TRAF5: variants seen among roughly 807,000 people sequenced by gnomAD.
TRAF5 encodes the protein TNF receptor-associated factor 5.
TRAF5 carries 48 observed loss-of-function variants against 64.5 expected under a neutral mutation model. That is an observed-to-expected ratio of 0.74 (90% CI 0.59 to 0.95). The LOEUF is 0.95. TRAF5 is among the 40% of genes least tolerant of loss of function. The pLI is 0.00. For synonymous variants in TRAF5, 206 were observed against 240.5 expected, an observed-to-expected ratio of 0.86 and a Z score of 1.33; for missense variants, 545 against 662.8, an observed-to-expected ratio of 0.82 and a Z score of 1.95.
intron 1 of TRAF5, among the ~76,000 whole-genome samples, chr1:211,343,720 C>T (rs1214359502): frequency 6.6e-6 from 1 of 152,124 alleles, no homozygotes; most frequent in Non-Finnish European, 1.5e-5. Flanking sequence ...CTTCTCTTGC[C>T]CTCTGCCTCA....
At chr1:211,328,065 C>G (rs1702067320) in intron 1 of TRAF5, among the ~76,000 whole-genome samples, 1 of 152,212 alleles carries the variant, frequency 6.6e-6, no homozygotes, top group African/African-American at 2.4e-5. Flanking sequence ...GGAAATAGAA[C>G]AGTTTTGGGT....
chr1:211,332,294 G>A (rs748666503), intron 1 of TRAF5, among the ~76,000 whole-genome samples: 10 of 152,220 alleles, frequency 6.6e-5, no homozygotes, highest in Non-Finnish European at 1.2e-4. Flanking sequence ...TGATAGCCAG[G>A]AGCAGACCAG....
intron 8 of TRAF5, chr1:211,368,885 C>T (rs1558148541): frequency 6.6e-6 from 1 of 152,184 alleles, no homozygotes. Flanking sequence ...TTGAGGCATA[C>T]AAGAGCTAAT....
Position 211,374,908 on chromosome 1 carries a change from A to G in TRAF5, c.*2206A>G, listed in dbSNP as rs1703644798. The stretch of plus-strand genomic sequence containing the variant: ...AATAGTGATTAAGTGATCCCAGAAC[A>G]AGGAATACTAGAGTAAAAAGCACCT... On this transcript the variant is annotated 3_prime_UTR_variant, in exon 11 of 11. Coordinates refer to ENST00000261464, the MANE Select transcript of TRAF5 (RefSeq NM_001033910.3). The G allele has an allele frequency of 6.6e-6, 1 of 152,254 alleles. No homozygotes were observed. Among genetic ancestry groups the G allele is most frequent in the African/African-American group, 2.4e-5 (1 of 41,470 alleles). The allele number at this position is 152,254 out of a possible 1,614,324, so 9.4% of individuals were successfully genotyped here. A position where few individuals can be genotyped will look rare whatever the true frequency, so the allele number is the denominator to read the frequency against.
chr1:211,333,768 A>G (rs1233451759), intron 1 of TRAF5, among the ~76,000 whole-genome samples: 3 of 152,182 alleles, frequency 2.0e-5, no homozygotes, highest in African/African-American at 7.2e-5. Flanking sequence ...AAGTGCTAGG[A>G]TTACAGGTAT....
At chr1:211,339,115 GC>G (rs1702379832) in intron 1 of TRAF5, among the ~76,000 whole-genome samples, 1 of 152,194 alleles carries the variant, frequency 6.6e-6, no homozygotes, top group Non-Finnish European at 1.5e-5. Context: ...AAATCCCTGT[GC>G]CCACGCACTA....
Position 211,353,300 on chromosome 1 carries a change from A to C in TRAF5, c.61A>C (p.Asn21His), listed in dbSNP as rs1363793826. ...PCGFIRQNSG[N>H]SISLDFEPSI... ...TGGTTTCATCCGCCAGAATTCCGGC[A>C]ACTCCATTTCCTTGGACTTTGAGCC... Residue 21 changes from asparagine to histidine, a missense_variant, in exon 2 of 11, where the codon AAC becomes CAC. Physicochemically the swap from Asn to His is moderately conservative, Grantham distance 68 (BLOSUM62 1). Transcript: ENST00000261464. 1 of 1,614,240 alleles carries C rather than the reference A, an allele frequency of 6.2e-7. No homozygotes were observed.
chr1:211,355,420 A>G (rs889719231), intron 3 of TRAF5, among the ~76,000 whole-genome samples: 9 of 152,026 alleles, frequency 5.9e-5, no homozygotes, highest in Admixed American at 3.9e-4. Flanking sequence ...ATTGTCATGA[A>G]GACTTTCTCC....
At chr1:211,353,533 T>C in intron 2 of TRAF5, 76 bp downstream of exon 2, 7 of 1,434,572 alleles carry the variant, frequency 4.9e-6, no homozygotes, top group Non-Finnish European at 6.7e-6. Context: ...CTCAACTGTT[T>C]TCATGGGTTT....
At chr1:211,349,767 C>T (rs1702726776) in intron 1 of TRAF5, among the ~76,000 whole-genome samples, 3 of 152,052 alleles carry the variant, frequency 2.0e-5, no homozygotes, top group Admixed American at 2.0e-4. Context: ...TTTTGTACAT[C>T]CTACTGCCTT....
intron 3 of TRAF5, 74 bp downstream of exon 3, chr1:211,354,541 T>A: frequency 6.7e-7 from 1 of 1,497,096 alleles, no homozygotes; most frequent in Non-Finnish European, 9.3e-7. Context: ...GACATTGAGA[T>A]AGGAGCAGGA....
At chr1:211,357,857 C>A (rs1012040593) in intron 4 of TRAF5, 1 of 152,114 alleles carries the variant, frequency 6.6e-6, no homozygotes, top group African/African-American at 2.4e-5. Flanking sequence ...TAATAATAAT[C>A]ATCATCATAA....
In TRAF5 at chr1:211,351,851, G is replaced by A. The variant is rs114074530; in HGVS notation, c.-1-1388G>A. 4.0e-3 allele frequency among the ~76,000 whole-genome samples: 615 copies of A among 152,284 alleles called. 2 individuals carry two copies. The highest frequency in any genetic ancestry group is 6.5e-3 in the Non-Finnish European group (445 of 68,034). ...TCTGTTCTTTTGATAGTACTACACT[G>A]TCTTGATTACTGTAGCTTTATAATA... On this transcript the variant is annotated intron_variant, in intron 1 of 10. Transcript: ENST00000261464.
chr1:211,345,170 G>A (rs1220199879), intron 1 of TRAF5, among the ~76,000 whole-genome samples: 1 of 152,076 alleles, frequency 6.6e-6, no homozygotes, highest in Non-Finnish European at 1.5e-5. Context: ...ACCCACCTCG[G>A]CCTCCCAGAG....
chr1:211,369,363 C>A, intron 8 of TRAF5, 89 bp from the exon 9 acceptor site: 1 of 1,163,718 alleles, frequency 8.6e-7, no homozygotes, highest in Non-Finnish European at 1.2e-6. Context: ...CCTAGAAATA[C>A]TTTCTTAGCT....
At chr1:211,352,664 C>T (rs537897551) in intron 1 of TRAF5, among the ~76,000 whole-genome samples, 5 of 151,940 alleles carry the variant, frequency 3.3e-5, no homozygotes, top group Admixed American at 1.3e-4. Flanking sequence ...TTTGTGCTGA[C>T]GTAACAAAAT....
intron 1 of TRAF5, among the ~76,000 whole-genome samples, chr1:211,352,440 CTA>C (rs1702814647): frequency 1.1e-5 from 1 of 87,098 alleles, no homozygotes; most frequent in Non-Finnish European, 2.1e-5. Context: ...GTCACTGTCT[CTA>C]AAAAAAAAAA....
intron 7 of TRAF5, among the ~76,000 whole-genome samples, chr1:211,361,698 T>G (rs979366933): frequency 2.2e-5 from 3 of 138,300 alleles, no homozygotes; most frequent in Non-Finnish European, 4.7e-5. Context: ...TCGGGTTTTT[T>G]TTTTTTTTTT....
chr1:211,335,907 C>T lies in TRAF5; in HGVS notation c.-2+9018C>T, dbSNP rs539820871. On this transcript the variant is annotated intron_variant, in intron 1 of 10. Transcript: ENST00000261464. Reference sequence around the variant, plus strand: ...CCACCCTGGCAGGGAAGGGGCAGAGCAGGGGCCCCATGCAGGGAGATTTGC... The same window carrying T: ...CCACCCTGGCAGGGAAGGGGCAGAGTAGGGGCCCCATGCAGGGAGATTTGC... Among the ~76,000 whole-genome samples, 3 of 152,182 alleles carry T rather than the reference C, an allele frequency of 2.0e-5. No individual in the cohort carries two copies. The East Asian group carries it at 5.8e-4, about 29-fold the overall frequency.
Sources: allele counts gnomAD v4.1 joint callset (sites outside exome capture counted in the v4.1 genomes callset), GRCh38; gene constraint gnomAD v4.1.1; transcripts MANE v1.5; gene names NCBI Gene and HGNC (gene_info 2026-07-23, HGNC 2026-07-21).